The following ELF2 variants were observed in gnomAD, a reference collection of about 807,000 sequenced individuals.
ELF2 encodes the protein E74 like ETS transcription factor 2, also known as ETS-related transcription factor Elf-2.
In ELF2, 11 loss-of-function variants were observed where a neutral mutation model predicts 54.8. That is an observed-to-expected ratio of 0.20 (90% CI 0.13 to 0.33). ELF2 has a LOEUF of 0.33. Among genes scored for constraint, ELF2 ranks in the 10% least tolerant of loss-of-function variants. ELF2 has a pLI of 1.00. For missense variants in ELF2, 513 were observed against 703.0 expected (o/e 0.73, Z 3.06); for synonymous variants, 203 against 245.1 (o/e 0.83, Z 1.61).
At chr4:139,177,422 G>A (rs1743088299), upstream of ELF2, among the ~76,000 whole-genome samples, 1 of 151,912 alleles carries the variant, frequency 6.6e-6, no homozygotes, top group East Asian at 2.0e-4. Context: ...AACGCGGGCC[G>A]GCTATTTATA....
chr4:139,071,806 G>A (rs1255417592), intron 6 of ELF2, 60 bp downstream of exon 6: 1 of 1,482,414 alleles, frequency 6.7e-7, no homozygotes, highest in Non-Finnish European at 9.1e-7. Context: ...CCCTTGATGA[G>A]GAAAAAGATA....
At chr4:139,157,892 C>A (rs1201642762) in intron 1 of ELF2, among the ~76,000 whole-genome samples, 2 of 152,146 alleles carry the variant, frequency 1.3e-5, no homozygotes, top group East Asian at 3.8e-4. Context: ...AAACTCGGGG[C>A]CAGTGGCGCA....
At chr4:139,067,577 G>T in intron 7 of ELF2, 107 bp downstream of exon 7, 1 of 1,134,108 alleles carries the variant, frequency 8.8e-7, no homozygotes, top group Non-Finnish European at 1.3e-6. Flanking sequence ...ACCAGCGACA[G>T]TATTCTCATA....
intron 1 of ELF2, among the ~76,000 whole-genome samples, chr4:139,145,501 AC>A (rs1359684597): frequency 6.6e-6 from 1 of 152,224 alleles, no homozygotes; most frequent in Non-Finnish European, 1.5e-5. Context: ...GGGGGACAGC[AC>A]CACATCAAGG....
intron 4 of ELF2, among the ~76,000 whole-genome samples, chr4:139,104,655 C>T (rs1012971187): frequency 1.6e-4 from 25 of 152,120 alleles, no homozygotes; most frequent in Admixed American, 9.2e-4. Context: ...TAGCATTGTT[C>T]CCTGATTTTT....
Position 139,160,918 on chromosome 4 carries a change from G to A in ELF2, c.-252+16049C>T, listed in dbSNP as rs192937305. On this transcript the variant is annotated intron_variant, in intron 1 of 9. Coordinates refer to ENST00000686138, the MANE Select transcript of ELF2 (RefSeq NM_001331036.3). ...GTGGAGGTTGCAGTGAGCTGAGACA[G>A]TGCCACTGCAGTCCAGCTTCGGCAA... Among the ~76,000 whole-genome samples the A allele has an allele frequency of 6.1e-3, 927 of 152,250 alleles. 11 individuals carry two copies. Among genetic ancestry groups the A allele is most frequent in the African/African-American group, 0.021 (876 of 41,524 alleles).
intron 6 of ELF2, among the ~76,000 whole-genome samples, chr4:139,068,304 C>A (rs190551156): frequency 6.9e-4 from 105 of 152,322 alleles, no homozygotes; most frequent in African/African-American, 2.4e-3. Flanking sequence ...CAGGCGTGAG[C>A]CACTGTACCC....
chr4:139,067,546 C>T, intron 7 of ELF2, 138 bp downstream of exon 7: 1 of 797,076 alleles, frequency 1.3e-6, no homozygotes, highest in Non-Finnish European at 2.0e-6. Context: ...GATGCTGATA[C>T]ATCCCTTATT....
rs575482231 is a variant in ELF2, at chr4:139,169,356, A to G, written c.-252+7611T>C. Among the ~76,000 whole-genome samples, 58 of 151,666 alleles carry G rather than the reference A, an allele frequency of 3.8e-4. No individual in the cohort carries two copies. In the East Asian group the frequency reaches 3.9e-3, roughly 10 times the overall value. On this transcript the variant is annotated intron_variant, in intron 1 of 9. Transcript: ENST00000686138. ...GAGCGGGACTACATTTAAAAAAAAA[A>G]AAAAAAAAAACTATCACAAAAAAAC...
intron 4 of ELF2, among the ~76,000 whole-genome samples, chr4:139,097,721 T>C (rs1013371168): frequency 1.3e-5 from 2 of 152,238 alleles, no homozygotes; most frequent in African/African-American, 2.4e-5. Flanking sequence ...CACTAATTTT[T>C]AGTTTCCAAT....
chr4:139,084,506 C>T, intron 4 of ELF2: 2 of 855,080 alleles, frequency 2.3e-6, no homozygotes, highest in Non-Finnish European at 2.9e-6. Context: ...GATCCTTCCG[C>T]CCCGCGCCCA....
rs1225594641 is a variant in ELF2 at position 139,059,070 on chromosome 4, C to G, written c.1695G>C (p.Val565=). The change falls in exon 10 of 10, where the codon GTG becomes GTC. Residue 565 remains valine, a synonymous_variant. Transcript: ENST00000686138. ...GCGCACTGACAACCACTACGTGGGT[C>G]ACTGTCTTATTTCCATCTGCTGGTT... ...EEKPADGNKT[V]THVVVVSAPS... is the part of the protein sequence containing the mutation. 1.2e-5 allele frequency: 19 copies of G among 1,613,808 alleles called. No homozygotes were observed. The highest frequency in any genetic ancestry group is 1.5e-5 in the Non-Finnish European group (18 of 1,179,868).
chr4:139,158,159 C>T (rs999003059), intron 1 of ELF2, among the ~76,000 whole-genome samples: 1 of 151,818 alleles, frequency 6.6e-6, no homozygotes, highest in African/African-American at 2.4e-5. Flanking sequence ...AGTTCTCTGG[C>T]GGGCAGGGGT....
chr4:139,091,019 C>T (rs1309231499), intron 4 of ELF2, among the ~76,000 whole-genome samples: 2 of 152,088 alleles, frequency 1.3e-5, no homozygotes, highest in African/African-American at 4.8e-5. Context: ...CTGCAAGCTC[C>T]ACCTTCCGGG....
At chr4:139,065,820 T>C (rs1426226517) in intron 7 of ELF2, among the ~76,000 whole-genome samples, 1 of 152,184 alleles carries the variant, frequency 6.6e-6, no homozygotes, top group Non-Finnish European at 1.5e-5. Flanking sequence ...ACAACAGTAA[T>C]AACTGTATAT....
chr4:139,110,575 G>C (rs565956348), intron 4 of ELF2, among the ~76,000 whole-genome samples: 1 of 152,198 alleles, frequency 6.6e-6, no homozygotes, highest in South Asian at 2.1e-4. Context: ...AAGAAATCTG[G>C]TTTGAACACC....
chr4:139,160,384 G>GAAT (rs919005494), intron 1 of ELF2, among the ~76,000 whole-genome samples: 3 of 152,104 alleles, frequency 2.0e-5, no homozygotes, highest in Admixed American at 6.6e-5. Context: ...TGTAAAAAGT[G>GAAT]AATAATAATA....
At chr4:139,125,493 T>C (rs1736827203) in intron 3 of ELF2, among the ~76,000 whole-genome samples, 164 bp from the exon 4 acceptor site, 1 of 152,206 alleles carries the variant, frequency 6.6e-6, no homozygotes, top group Admixed American at 6.5e-5. Context: ...GGGCTAACTT[T>C]AATAATCCTT....
intron 1 of ELF2, among the ~76,000 whole-genome samples, chr4:139,147,821 T>C (rs754227324): frequency 8.6e-4 from 112 of 129,978 alleles, no homozygotes; most frequent in Non-Finnish European, 1.3e-3. Context: ...AGTTTCACTC[T>C]TGTTGCCCAG....
Sources: gnomAD v4.1 joint callset for allele counts (sites outside exome capture counted in the v4.1 genomes callset) on GRCh38, gnomAD v4.1.1 for gene constraint, MANE v1.5 for transcripts, NCBI Gene and HGNC (gene_info 2026-07-23, HGNC 2026-07-21) for gene names.